Variants in CELF2 observed in about 807,000 individuals in gnomAD.
CELF2 encodes the protein CUG triplet repeat RNA-binding protein 2.
In CELF2, 8 loss-of-function variants were observed where a neutral mutation model predicts 62.6. The ratio of observed to expected loss-of-function variants is 0.13; its 90% CI spans 0.07 to 0.23. CELF2 has a LOEUF of 0.23. CELF2 is among the 10% of genes least tolerant of loss of function. CELF2 has a pLI of 1.00. For synonymous variants in CELF2, 258 were observed against 250.0 expected (o/e 1.03, Z -0.30); for missense variants, 333 against 671.0 (o/e 0.50, Z 5.56).
the CELF2 span, among the ~76,000 whole-genome samples, chr10:10,718,335 A>G: frequency 6.6e-6 from 1 of 152,076 alleles, no homozygotes; most frequent in East Asian, 1.9e-4. Context: ...CAAATCCATG[A>G]TTTCTTGGCC....
chr10:10,611,688 A>G, the CELF2 span, among the ~76,000 whole-genome samples: 1 of 152,224 alleles, frequency 6.6e-6, no homozygotes, highest in Non-Finnish European at 1.5e-5. Flanking sequence ...ACAGGGAGGC[A>G]GAGACATATG....
In CELF2 at chr10:11,224,458, T is replaced by C. The variant is rs2065844074; in HGVS notation, c.354+6951T>C. Among the ~76,000 whole-genome samples the C allele has an allele frequency of 6.6e-6, 1 of 152,154 alleles. No homozygotes were observed. Among genetic ancestry groups the C allele is most frequent in the African/African-American group, 2.4e-5 (1 of 41,432 alleles). Reference sequence around the variant, plus strand: ...ACAGCCCAAGATTAAACTGGGAATATGCAGTTCACTTACGTCGACCTTAGT... The same window carrying C: ...ACAGCCCAAGATTAAACTGGGAATACGCAGTTCACTTACGTCGACCTTAGT... On this transcript the variant is annotated intron_variant, in intron 3 of 12. Transcript: ENST00000633077. This position sits in a 1 kb window ranked among gnomAD's most constrained non-coding sequence, Gnocchi z 4.5.
chr10:11,031,018 G>C (rs1006394622), intron 1 of CELF2: 1 of 152,166 alleles, frequency 6.6e-6, no homozygotes, highest in Non-Finnish European at 1.5e-5. Flanking sequence ...TTATGAAGAG[G>C]TTTCTTTGGA....
chr10:10,522,446 G>T, the CELF2 span, among the ~76,000 whole-genome samples: 10 of 152,178 alleles, frequency 6.6e-5, no homozygotes, highest in Admixed American at 1.3e-4. Context: ...CCAAATGTAG[G>T]AATCACCGGA....
rs762710634 is a variant in CELF2, at chr10:11,217,670, G to C, written c.354+163G>C. On this transcript the variant is annotated intron_variant, in intron 3 of 12. Coordinates refer to ENST00000633077, the MANE Select transcript of CELF2 (RefSeq NM_001326342.2). The surrounding 1 kb of genome is among the most constrained non-coding windows in gnomAD (Gnocchi z 5.6). ...CTGCAGCAGCCACACCAGCTGGCCA[G>C]CCCATAAAGGAGCGCTGGCATTAAC... Among the ~76,000 whole-genome samples, 2 of 152,168 alleles carry C rather than the reference G, an allele frequency of 1.3e-5. No individual in the cohort carries two copies. The highest frequency in any genetic ancestry group is 2.9e-5 in the Non-Finnish European group (2 of 68,030).
chr10:11,125,643 G>A lies in CELF2; in HGVS notation c.75-39843G>A, dbSNP rs2058556454. ...ACTCCAAAATGGCGCAGTGGTCCAGGGTTTATGCTGTTAGAGCGGTGATGG... is the reference window on the plus strand; with the variant it reads ...ACTCCAAAATGGCGCAGTGGTCCAGAGTTTATGCTGTTAGAGCGGTGATGG... On this transcript the variant is annotated intron_variant, in intron 1 of 12. Transcript: ENST00000633077. Among the ~76,000 whole-genome samples, 15 of 152,094 alleles carry A rather than the reference G, an allele frequency of 9.9e-5. 1 individual carries two copies. The highest frequency in any genetic ancestry group is 8.5e-4 in the Admixed American group (13 of 15,276).
chr10:10,775,218 G>C, the CELF2 span, among the ~76,000 whole-genome samples: 1 of 152,178 alleles, frequency 6.6e-6, no homozygotes, highest in Non-Finnish European at 1.5e-5. Flanking sequence ...TGAGGAGAGG[G>C]TCTTGGAAAT....
chr10:10,684,782 A>G, the CELF2 span, among the ~76,000 whole-genome samples: 2 of 152,238 alleles, frequency 1.3e-5, no homozygotes, highest in South Asian at 2.1e-4. Context: ...AGCTTTGTCA[A>G]ATTAGGCCAG....
intron 2 of CELF2, among the ~76,000 whole-genome samples, chr10:10,996,804 T>C (rs1329375214): frequency 6.6e-6 from 1 of 152,162 alleles, no homozygotes; most frequent in Admixed American, 6.5e-5. Flanking sequence ...TGGGCTGGTC[T>C]CTTCCACTGC....
chr10:10,520,879 A>G, the CELF2 span, among the ~76,000 whole-genome samples: 1 of 152,188 alleles, frequency 6.6e-6, no homozygotes, highest in Non-Finnish European at 1.5e-5. Context: ...AGTAATGAGC[A>G]TATGGGGGAA....
rs142670718 is a variant in CELF2, at chr10:10,936,023, G to A, written c.89+16024G>A. Among the ~76,000 whole-genome samples the A allele has an allele frequency of 7.2e-4, 110 of 151,744 alleles. 2 individuals are homozygous for A. The East Asian group carries it at 0.015, about 21-fold the overall frequency. ...AAAAAAAAAAAAAAATTAGCCAGGCGTGGTGGCACACACCTGTAGTCCCAG... is the reference window on the plus strand; with the variant it reads ...AAAAAAAAAAAAAAATTAGCCAGGCATGGTGGCACACACCTGTAGTCCCAG... On this transcript the variant is annotated intron_variant, in intron 2 of 13. Transcript: ENST00000636488. This position sits in a 1 kb window ranked among gnomAD's most constrained non-coding sequence, Gnocchi z 4.0.
At chr10:10,675,926 C>T in the CELF2 span, among the ~76,000 whole-genome samples, 1 of 152,202 alleles carries the variant, frequency 6.6e-6, no homozygotes, top group Non-Finnish European at 1.5e-5. Flanking sequence ...AATTCCCTCT[C>T]TGATAATTCC....
chr10:11,189,209 T>C (rs1231743946), intron 2 of CELF2, among the ~76,000 whole-genome samples: 1 of 152,208 alleles, frequency 6.6e-6, no homozygotes, highest in Non-Finnish European at 1.5e-5. Flanking sequence ...CTTTGTCTGG[T>C]AGTTTCTTCA....
chr10:11,295,951 A>C (rs1191371078), intron 9 of CELF2, among the ~76,000 whole-genome samples: 1 of 152,160 alleles, frequency 6.6e-6, no homozygotes, highest in Non-Finnish European at 1.5e-5. Flanking sequence ...GCAATGCCCC[A>C]ACCTGGAGCA....
chr10:10,932,785 A>G (rs1330158092), intron 2 of CELF2, among the ~76,000 whole-genome samples: 3 of 152,128 alleles, frequency 2.0e-5, no homozygotes, highest in Non-Finnish European at 2.9e-5. Context: ...TCATATGGCA[A>G]TTGAAAGAAT....
rs1296311770 is a variant in CELF2, at chr10:11,211,574, T to C, written c.272-5851T>C. On this transcript the variant is annotated intron_variant, in intron 2 of 12. Coordinates refer to ENST00000633077, the MANE Select transcript of CELF2 (RefSeq NM_001326342.2). The surrounding 1 kb of genome is among the most constrained non-coding windows in gnomAD (Gnocchi z 4.8). ...GTTATCTTTATATATCAGTACATTT[T>C]TTTTTCCTGTGAGTATTATTACCCA... 6.6e-6 allele frequency among the ~76,000 whole-genome samples: 1 copy of C among 152,198 alleles called. No individual in the cohort carries two copies. The highest frequency in any genetic ancestry group is 1.5e-5 in the Non-Finnish European group (1 of 68,030).
intron 1 of CELF2, among the ~76,000 whole-genome samples, chr10:11,038,872 C>T (rs2139346374): frequency 2.0e-5 from 3 of 152,200 alleles, no homozygotes; most frequent in Middle Eastern, 6.8e-3. Flanking sequence ...TTTATTAAAA[C>T]CCTTCTGGCA....
the CELF2 span, among the ~76,000 whole-genome samples, chr10:10,658,976 T>A: frequency 1.3e-5 from 2 of 152,196 alleles, no homozygotes; most frequent in Non-Finnish European, 2.9e-5. Context: ...AGAGTTGAAC[T>A]CATAAACAGA....
intron 1 of CELF2, among the ~76,000 whole-genome samples, chr10:10,887,103 C>A (rs1007224516): frequency 6.6e-6 from 1 of 151,998 alleles, no homozygotes; most frequent in Non-Finnish European, 1.5e-5. Flanking sequence ...AAGCCTAGAG[C>A]TATTCCTTCC....
Sources: allele counts gnomAD v4.1 joint callset (sites outside exome capture counted in the v4.1 genomes callset), GRCh38; gene constraint gnomAD v4.1.1; non-coding constraint Gnocchi (gnomAD v3.1); transcripts MANE v1.5; gene names NCBI Gene and HGNC (gene_info 2026-07-23, HGNC 2026-07-21).